SLC35E4: variants seen among roughly 807,000 people sequenced by gnomAD.
The protein encoded by SLC35E4 is solute carrier family 35, member E4.
Under a neutral mutation model 19.3 loss-of-function variants are expected in SLC35E4, and 15 were observed. That is an observed-to-expected ratio of 0.78 (90% CI 0.52 to 1.20). The LOEUF is 1.20. Among genes scored for constraint, SLC35E4 ranks in the 50% most tolerant of loss-of-function variants. The pLI is 0.00. For missense variants in SLC35E4, 406 were observed against 472.3 expected (o/e 0.86, Z 1.30); for synonymous variants, 219 against 219.9 (o/e 1.00, Z 0.04).
chr22:30,668,255 G>C (rs1378233121), downstream of SLC35E4: 2 of 152,510 alleles, frequency 1.3e-5, no homozygotes, highest in African/African-American at 4.8e-5. Flanking sequence ...GGGTTCAGCC[G>C]CACATCTCCT....
chr22:30,663,549 A>G (rs1352587995), downstream of SLC35E4: 13 of 1,614,102 alleles, frequency 8.1e-6, no homozygotes, highest in Non-Finnish European at 1.0e-5. Flanking sequence ...CTCATAGTGG[A>G]TGAGCTGCTC....
In SLC35E4 at chr22:30,636,778, G is replaced by T. The variant is rs764799861; in HGVS notation, c.328G>T (p.Val110Phe). Residue 110 changes from valine (V) to phenylalanine (F), a missense_variant, in exon 1 of 2, where the codon GTC (valine) becomes TTC (phenylalanine). Val to Phe is a conservative substitution (Grantham distance 50, BLOSUM62 -1). Transcript: ENST00000343605. ...RPMPGGTRCR[V>F]LLLSLTFGTS... is the part of the protein sequence containing the mutation. ...CATGCCAGGCGGCACTCGCTGCCGA[G>T]TCCTACTGCTCAGTCTCACCTTTGG... 6.2e-7 allele frequency: 1 copy of T among 1,612,500 alleles called. No homozygotes were observed. Among genetic ancestry groups the T allele is most frequent in the South Asian group, 1.1e-5 (1 of 90,954 alleles).
chr22:30,647,106 T>C lies in SLC35E4; in HGVS notation c.*75T>C. The stretch of plus-strand genomic sequence containing the variant: ...GCCTCCGCTGTGGCCATAGAAGGAA[T>C]GGAGAACAGGGCTGGGCATGGTGGC... On this transcript the variant is annotated 3_prime_UTR_variant, in exon 2 of 2. Transcript: ENST00000343605. The C allele has an allele frequency of 6.8e-6, 10 of 1,479,296 alleles. No homozygotes were observed. Among genetic ancestry groups the C allele is most frequent in the Non-Finnish European group, 8.1e-6 (9 of 1,112,818 alleles). 91.6% of individuals were successfully genotyped at this position (1,479,296 alleles called of 1,614,324 possible). A position where few individuals can be genotyped will look rare whatever the true frequency, so the allele number is the denominator to read the frequency against.
chr22:30,664,348 G>A (rs2088577144), downstream of SLC35E4, among the ~76,000 whole-genome samples: 2 of 152,186 alleles, frequency 1.3e-5, no homozygotes, highest in African/African-American at 4.8e-5. Context: ...AGGACAAATG[G>A]CAAGTCCCCA....
At position 30,646,485 on chromosome 22, in the gene SLC35E4, C is replaced by G. The variant is rs138747379; in HGVS notation, c.620-113C>G. ...ATGTTTCAGATCAGGAGCCACTAGC[C>G]CTGCCCGAGGGGTCCGGGTAGGCTT... On this transcript the variant is annotated intron_variant, in intron 1 of 1. Transcript: ENST00000343605. 5.6e-5 allele frequency: 71 copies of G among 1,278,596 alleles called. No homozygotes were observed. In the East Asian group the frequency reaches 1.7e-3, roughly 30 times the overall value. The allele number at this position is 1,278,596 out of a possible 1,614,324, so 79.2% of individuals were successfully genotyped here.
intron 2 of SLC35E4, among the ~76,000 whole-genome samples, chr22:30,655,429 CAAAAAAA>C (rs5844917): frequency 7.2e-5 from 8 of 111,650 alleles, no homozygotes; most frequent in South Asian, 2.8e-4. Context: ...GAGATCCTAC[CAAAAAAA>C]AAAAAAAAAA....
chr22:30,646,594 G>C lies in SLC35E4; in HGVS notation c.620-4G>C, dbSNP rs1416118239. The C allele has an allele frequency of 6.3e-7, 1 of 1,590,594 alleles. No homozygotes were observed. The highest frequency in any genetic ancestry group is 1.3e-5 in the African/African-American group (1 of 74,726). On this transcript the variant is annotated splice_region_variant and splice_polypyrimidine_tract_variant and intron_variant, in intron 1 of 1. Transcript: ENST00000343605. ...GGGTGCTCATGGCGGTTGTCCTGTT[G>C]CAGGTGCCCTGCTGCAGGAGGAGAG...
chr22:30,666,561 GCAGTGAGC>G (rs1318953106), downstream of SLC35E4, among the ~76,000 whole-genome samples: 1 of 141,862 alleles, frequency 7.0e-6, no homozygotes, highest in Non-Finnish European at 1.5e-5. Context: ...GGCGGAGGCT[GCAGTGAGC>G]CAAGATCGTG....
In SLC35E4 at chr22:30,636,736, CG is replaced by C. The variant is rs1470004154; in HGVS notation, c.292del (p.Ala98HisfsTer31). The C allele has an allele frequency of 6.2e-7, 1 of 1,611,820 alleles. No individual in the cohort carries two copies. The highest frequency in any genetic ancestry group is 1.1e-5 in the South Asian group (1 of 90,952). On this transcript the variant is annotated frameshift_variant, in exon 1 of 2. Coordinates refer to ENST00000343605, the MANE Select transcript of SLC35E4 (RefSeq NM_001001479.4). LOFTEE classifies it high-confidence loss of function. ...GCTGGTGGCAGCCCTGGCATGCCAC[CG>C]GGGGGCACGGCGCCCCATGCCAGGC... Reference protein sequence around the residue: ...HMLVAALACHRGARRPMPGGT... With the variant: ...HMLVAALACHXGARRPMPGGT...
At chr22:30,666,813 A>G (rs574137268), downstream of SLC35E4, 8 of 152,274 alleles carry the variant, frequency 5.3e-5, no homozygotes, top group East Asian at 1.5e-3. Flanking sequence ...CTACCTTAAA[A>G]GGATGTTGTG....
At chr22:30,637,405 G>A (rs1447606153) in intron 1 of SLC35E4, among the ~76,000 whole-genome samples, 1 of 152,180 alleles carries the variant, frequency 6.6e-6, no homozygotes, top group Non-Finnish European at 1.5e-5. Flanking sequence ...AGCCTCCCAA[G>A]TAAGTGGGAC....
At chr22:30,663,870 T>C (rs760861702), downstream of SLC35E4, 42 of 1,614,106 alleles carry the variant, frequency 2.6e-5, no homozygotes, top group Middle Eastern at 1.6e-4. Flanking sequence ...CATGGTGATC[T>C]GGTTGCTAGA....
chr22:30,636,671 A>G lies in SLC35E4; in HGVS notation c.221A>G (p.His74Arg). The G allele has an allele frequency of 6.2e-7, 1 of 1,612,140 alleles. No individual in the cohort carries two copies. The highest frequency in any genetic ancestry group is 8.5e-7 in the Non-Finnish European group (1 of 1,179,280). The change falls in exon 1 of 2, where the codon CAC becomes CGC. Residue 74 changes from histidine to arginine, a missense_variant. By Grantham distance (29) the His-to-Arg change is conservative. Transcript: ENST00000343605. ...SSLNKWIFTV[H>R]GFGRPLLLSA... ...CTCAACAAGTGGATCTTCACAGTGC[A>G]CGGCTTTGGGCGGCCCCTGCTGCTG...
rs2088154091 is a variant in SLC35E4 at position 30,647,425 on chromosome 22, A to G, written c.*394A>G. ...AATTAAAAAAAAAAAAAAGTGGAGA[A>G]CTGGCAGTGACCTCTACTGGGGGCC... On this transcript the variant is annotated 3_prime_UTR_variant, in exon 2 of 2. Transcript: ENST00000343605. 2 of 163,466 alleles carry G rather than the reference A, an allele frequency of 1.2e-5. No homozygotes were observed. Among genetic ancestry groups the G allele is most frequent in the Admixed American group, 6.2e-5 (1 of 16,252 alleles). The allele number at this position is 163,466 out of a possible 1,614,324, so 10.1% of individuals were successfully genotyped here.
At chr22:30,639,021 CT>C (rs1260615816) in intron 1 of SLC35E4, among the ~76,000 whole-genome samples, 2 of 152,060 alleles carry the variant, frequency 1.3e-5, no homozygotes, top group Non-Finnish European at 2.9e-5. Flanking sequence ...AATCCCAGCA[CT>C]TTGGGAGGCT....
downstream of SLC35E4, among the ~76,000 whole-genome samples, chr22:30,651,417 ATATATATATATTTTTTTTTTT>A (rs1569062012): frequency 8.4e-4 from 56 of 66,476 alleles, no homozygotes; most frequent in Middle Eastern, 7.9e-3. Flanking sequence ...ATATATATAT[ATATATATATATTTTTTTTTTT>A]TTTTTTTTTT....
intron 1 of SLC35E4, among the ~76,000 whole-genome samples, chr22:30,646,223 T>C (rs963840171): frequency 2.0e-5 from 3 of 152,198 alleles, no homozygotes; most frequent in African/African-American, 7.2e-5. Context: ...AACAGACTTA[T>C]TTATTTTAGT....
chr22:30,655,459 A>C (rs2088320892), intron 2 of SLC35E4, among the ~76,000 whole-genome samples: 1 of 151,614 alleles, frequency 6.6e-6, no homozygotes, highest in African/African-American at 2.4e-5. Flanking sequence ...GAAAAAGAAA[A>C]AAAGAAGCCA....
intron 1 of SLC35E4, among the ~76,000 whole-genome samples, chr22:30,639,534 G>T (rs910989541): frequency 1.3e-5 from 2 of 152,138 alleles, no homozygotes; most frequent in African/African-American, 4.8e-5. Flanking sequence ...ATGGGAGACT[G>T]GGGCTTATTT....
Sources: gnomAD v4.1 joint callset for allele counts (sites outside exome capture counted in the v4.1 genomes callset) on GRCh38, gnomAD v4.1.1 for gene constraint, MANE v1.5 for transcripts, NCBI Gene and HGNC (gene_info 2026-07-23, HGNC 2026-07-21) for gene names.